NAALADL2: variants seen among roughly 807,000 people sequenced by gnomAD.
NAALADL2 encodes N-acetylated alpha-linked acidic dipeptidase like 2.
Under a neutral mutation model 87.2 loss-of-function variants are expected in NAALADL2, and 76 were observed. The ratio of observed to expected loss-of-function variants is 0.87; its 90% confidence interval spans 0.72 to 1.05. NAALADL2 has a LOEUF of 1.05. NAALADL2 is among the 50% of genes least tolerant of loss of function. NAALADL2 has a pLI of 0.00. For missense variants in NAALADL2, 1,089 were observed against 945.8 expected (o/e 1.15, Z -1.99); for synonymous variants, 354 against 331.0 (o/e 1.07, Z -0.75).
intron 3 of NAALADL2, among the ~76,000 whole-genome samples, chr3:174,778,381 A>G (rs1386867361): frequency 1.3e-5 from 2 of 152,130 alleles, no homozygotes; most frequent in African/African-American, 4.8e-5. Flanking sequence ...TTCAAGAACT[A>G]GTACAAAATT....
chr3:175,298,915 G>A (rs1321874124), intron 4 of NAALADL2, among the ~76,000 whole-genome samples: 4 of 151,884 alleles, frequency 2.6e-5, no homozygotes, highest in African/African-American at 4.8e-5. Flanking sequence ...CTACATTTGG[G>A]GCTATATATT....
chr3:175,148,334 A>G (rs1270155941), intron 2 of NAALADL2, among the ~76,000 whole-genome samples: 1 of 151,718 alleles, frequency 6.6e-6, no homozygotes, highest in East Asian at 1.9e-4. Context: ...TAGACTCTGG[A>G]TATTAGATCT....
At chr3:175,697,806 TATTTATG>T (rs2149945870) in intron 11 of NAALADL2, among the ~76,000 whole-genome samples, 2 of 142,834 alleles carry the variant, frequency 1.4e-5, no homozygotes, top group South Asian at 4.4e-4. Flanking sequence ...TATGTATATA[TATTTATG>T]TATGTATACA....
chr3:174,982,011 C>T (rs1745186932), intron 1 of NAALADL2, among the ~76,000 whole-genome samples: 1 of 152,178 alleles, frequency 6.6e-6, no homozygotes, highest in South Asian at 2.1e-4. Context: ...ACGGTCACAA[C>T]TAACTTCAAG....
chr3:174,486,049 G>T (rs1163883088), intron 1 of NAALADL2, among the ~76,000 whole-genome samples: 1 of 152,022 alleles, frequency 6.6e-6, no homozygotes, highest in East Asian at 1.9e-4. Flanking sequence ...CCATTACTGG[G>T]TATGTACCCA....
At chr3:174,814,455 G>C (rs1720566807) in intron 3 of NAALADL2, among the ~76,000 whole-genome samples, 1 of 152,072 alleles carries the variant, frequency 6.6e-6, no homozygotes, top group Non-Finnish European at 1.5e-5. Flanking sequence ...TATGTATCTT[G>C]CGTGTGATCT....
At chr3:175,181,425 C>T (rs376691593) in intron 2 of NAALADL2, among the ~76,000 whole-genome samples, 26 of 151,808 alleles carry the variant, frequency 1.7e-4, no homozygotes, top group African/African-American at 6.0e-4. Context: ...ATTTATTCCT[C>T]TTGTGTAACT....
intron 2 of NAALADL2, among the ~76,000 whole-genome samples, chr3:175,100,374 C>T (rs1028461837): frequency 6.6e-6 from 1 of 152,130 alleles, no homozygotes; most frequent in African/African-American, 2.4e-5. Flanking sequence ...CCGGTCTCTT[C>T]TCAAGAAAGA....
At chr3:175,393,885 T>C (rs1168532885) in intron 5 of NAALADL2, among the ~76,000 whole-genome samples, 1 of 152,194 alleles carries the variant, frequency 6.6e-6, no homozygotes, top group East Asian at 1.9e-4. Flanking sequence ...CCAGTCCCCC[T>C]TTTTGGAGAT....
At chr3:174,683,444 T>C (rs1727740366) in intron 2 of NAALADL2, among the ~76,000 whole-genome samples, 1 of 152,136 alleles carries the variant, frequency 6.6e-6, no homozygotes, top group Non-Finnish European at 1.5e-5. Flanking sequence ...TAGTATGCTT[T>C]ATTTAAAAAC....
At chr3:174,528,516 T>C (rs1029864877) in intron 1 of NAALADL2, among the ~76,000 whole-genome samples, 1 of 152,112 alleles carries the variant, frequency 6.6e-6, no homozygotes, top group Non-Finnish European at 1.5e-5. Flanking sequence ...TAGTCCCAAC[T>C]ACTCAGGAGG....
chr3:175,081,165 G>C (rs1181974330), intron 1 of NAALADL2: 1 of 151,954 alleles, frequency 6.6e-6, no homozygotes, highest in Non-Finnish European at 1.5e-5. Flanking sequence ...ATATGATTGA[G>C]GATATGAATG....
chr3:174,696,963 A>C (rs968346081), intron 2 of NAALADL2, among the ~76,000 whole-genome samples: 16 of 152,148 alleles, frequency 1.1e-4, no homozygotes, highest in African/African-American at 3.6e-4. Flanking sequence ...GAACAAGAAC[A>C]AGGCAAATCT....
intron 6 of NAALADL2, among the ~76,000 whole-genome samples, chr3:175,456,655 CTT>C (rs772421711): frequency 4.6e-5 from 7 of 152,138 alleles, no homozygotes; most frequent in Non-Finnish European, 7.4e-5. Context: ...ATATCTCTGA[CTT>C]TGTCAGTGAA....
chr3:175,419,996 A>C lies in NAALADL2; in HGVS notation c.1091-27233A>C, dbSNP rs1245138346. On this transcript the variant is annotated intron_variant, in intron 5 of 13. Transcript: ENST00000454872. ...AAAATACTCTGAATTTTTTTAATGA[A>C]AGTTCAGGGATGGAGCAGACATCGT... 2.0e-5 allele frequency among the ~76,000 whole-genome samples: 3 copies of C among 151,960 alleles called. No homozygotes were observed. The South Asian group carries it at 6.2e-4, about 31-fold the overall frequency.
chr3:175,266,521 A>G (rs946019909), intron 4 of NAALADL2, among the ~76,000 whole-genome samples: 1 of 151,792 alleles, frequency 6.6e-6, no homozygotes, highest in Admixed American at 6.6e-5. Flanking sequence ...CTTTTGTTTC[A>G]ATCTAAATCT....
chr3:174,454,767 C>T (rs1378099867), intron 1 of NAALADL2, among the ~76,000 whole-genome samples: 2 of 152,046 alleles, frequency 1.3e-5, no homozygotes, highest in East Asian at 3.9e-4. Flanking sequence ...ATTAAACACT[C>T]ACATTAAAAA....
chr3:174,661,851 T>A (rs1201159714), intron 2 of NAALADL2, among the ~76,000 whole-genome samples: 1 of 152,110 alleles, frequency 6.6e-6, no homozygotes, highest in Non-Finnish European at 1.5e-5. Context: ...ACACGAGCTG[T>A]AAAAGTGAAA....
intron 1 of NAALADL2, among the ~76,000 whole-genome samples, chr3:174,885,809 A>G (rs1014405801): frequency 6.7e-6 from 1 of 148,960 alleles, no homozygotes; most frequent in African/African-American, 2.5e-5. Flanking sequence ...ATTAAGTATT[A>G]ACTCACACAA....
Sources: allele counts gnomAD v4.1 joint callset (sites outside exome capture counted in the v4.1 genomes callset), GRCh38; gene constraint gnomAD v4.1.1; transcripts MANE v1.5; gene names NCBI Gene and HGNC (gene_info 2026-07-23, HGNC 2026-07-21).